The following TMEM163 variants were observed in gnomAD, a reference collection of about 807,000 sequenced individuals.
TMEM163 encodes transmembrane protein 163.
A neutral mutation model predicts 29.3 loss-of-function variants in TMEM163; 17 were observed. The ratio of observed to expected loss-of-function variants is 0.58; its 90% CI spans 0.40 to 0.87. The LOEUF (loss-of-function observed/expected upper bound fraction) is 0.87, where lower values mean the gene tolerates loss of function less well. Ranked by LOEUF, TMEM163 falls within the 40% of genes least tolerant of loss-of-function variation. The pLI is 0.00. For missense variants in TMEM163, 303 were observed against 381.5 expected (o/e 0.79, Z 1.71); for synonymous variants, 157 against 160.6 (o/e 0.98, Z 0.17).
Position 134,458,055 on chromosome 2 carries a change from G to A in TMEM163, c.786C>T (p.Leu262=). The A allele has an allele frequency of 6.2e-7, 1 of 1,614,202 alleles. No individual in the cohort carries two copies. The change falls in exon 7 of 8, where the codon CTC becomes CTT. Residue 262 remains leucine, a synonymous_variant. Coordinates refer to ENST00000281924, the MANE Select transcript of TMEM163 (RefSeq NM_030923.5). ...ACTTGACCCCATAGGCAAATATGGT[G>A]AGGCCGATCAGAACGCCTATGCTGC... is the stretch of plus-strand genomic sequence containing the variant. ...LDGSIGVLIG[L]TIFAYGVKLL... is the part of the protein sequence containing the mutation.
intron 2 of TMEM163, among the ~76,000 whole-genome samples, chr2:134,565,973 G>T (rs886313361): frequency 6.6e-6 from 1 of 152,198 alleles, no homozygotes; most frequent in Non-Finnish European, 1.5e-5. Context: ...GCATGAACAG[G>T]TCTTCTCAGG....
intron 2 of TMEM163, among the ~76,000 whole-genome samples, chr2:134,706,076 C>A (rs375728860): frequency 5.3e-5 from 8 of 152,220 alleles, no homozygotes; most frequent in Non-Finnish European, 7.3e-5. Context: ...ACCCCTCCCC[C>A]ACTCCTGGCT....
rs116689522 is a variant in TMEM163 at position 134,701,628 on chromosome 2, G to A, written c.322+11572C>T. ...AAACTCAAAGTGGCTAAGAGTTTCA[G>A]GCCAGGCGCAGTGGCTCATGCCTGT... is the stretch of plus-strand genomic sequence containing the variant. On this transcript the variant is annotated intron_variant, in intron 2 of 7. Coordinates refer to ENST00000281924, the MANE Select transcript of TMEM163 (RefSeq NM_030923.5). Among the ~76,000 whole-genome samples, 1,010 of 152,294 alleles carry A rather than the reference G, an allele frequency of 6.6e-3. 13 individuals are homozygous for A. Among genetic ancestry groups the A allele is most frequent in the African/African-American group, 0.023 (957 of 41,552 alleles).
intron 2 of TMEM163, among the ~76,000 whole-genome samples, chr2:134,639,821 C>T (rs1323350750): frequency 6.6e-6 from 1 of 152,160 alleles, no homozygotes; most frequent in Non-Finnish European, 1.5e-5. Context: ...CCCATGTCTC[C>T]CAGGAAAGGA....
intron 2 of TMEM163, among the ~76,000 whole-genome samples, chr2:134,609,965 A>C (rs1185860188): frequency 6.6e-6 from 1 of 152,132 alleles, no homozygotes; most frequent in Non-Finnish European, 1.5e-5. Context: ...CTACAGGGGA[A>C]GGGGAGGAGA....
chr2:134,666,758 G>C (rs1558984615), intron 2 of TMEM163, among the ~76,000 whole-genome samples: 1 of 152,178 alleles, frequency 6.6e-6, no homozygotes, highest in Non-Finnish European at 1.5e-5. Context: ...CTATAAAAAG[G>C]AGATCGTAAT....
intron 2 of TMEM163, among the ~76,000 whole-genome samples, chr2:134,668,270 C>A (rs59386086): frequency 0.084 from 12,746 of 152,178 alleles, 605 homozygotes; most frequent in South Asian, 0.17. Flanking sequence ...CCACAGTTCT[C>A]ATCAGCGCTC....
chr2:134,481,193 TCTTACTCTAG>T (rs1229298890), intron 5 of TMEM163, among the ~76,000 whole-genome samples: 20 of 152,090 alleles, frequency 1.3e-4, no homozygotes, highest in African/African-American at 4.8e-4. Context: ...CATCCTGGAG[TCTTACTCTAG>T]CTATTTGTTT....
At chr2:134,657,680 GT>G (rs1683650648) in intron 2 of TMEM163, among the ~76,000 whole-genome samples, 1 of 152,208 alleles carries the variant, frequency 6.6e-6, no homozygotes, top group Non-Finnish European at 1.5e-5. Context: ...GCGCATGCCT[GT>G]AATCCGAGCT....
intron 4 of TMEM163, among the ~76,000 whole-genome samples, chr2:134,547,593 C>G (rs1230388741): frequency 6.6e-6 from 1 of 152,224 alleles, no homozygotes. Flanking sequence ...AGCTTCTCAG[C>G]TGGCAGTGAT....
At chr2:134,561,565 G>C (rs1055477788) in intron 2 of TMEM163, among the ~76,000 whole-genome samples, 11 of 152,158 alleles carry the variant, frequency 7.2e-5, no homozygotes, top group African/African-American at 2.4e-4. Flanking sequence ...TAGCCAGGAT[G>C]GTCTCGATCT....
At chr2:134,622,607 C>T (rs1309293352) in intron 2 of TMEM163, among the ~76,000 whole-genome samples, 1 of 152,174 alleles carries the variant, frequency 6.6e-6, no homozygotes, top group Non-Finnish European at 1.5e-5. Flanking sequence ...ACAAATGCAG[C>T]ACAGACAGGT....
intron 5 of TMEM163, 125 bp from the exon 6 acceptor site, chr2:134,466,350 G>T: frequency 1.4e-6 from 1 of 702,956 alleles, no homozygotes; most frequent in Non-Finnish European, 2.5e-6. Flanking sequence ...CCACCAGGTG[G>T]GGGTATACTG....
intron 2 of TMEM163, among the ~76,000 whole-genome samples, chr2:134,695,602 C>T (rs902226652): frequency 6.6e-6 from 1 of 152,050 alleles, no homozygotes; most frequent in East Asian, 1.9e-4. Context: ...AGAGCTATTA[C>T]CAAGATACAG....
At chr2:134,612,858 T>C (rs1279022147) in intron 2 of TMEM163, among the ~76,000 whole-genome samples, 1 of 152,266 alleles carries the variant, frequency 6.6e-6, no homozygotes, top group South Asian at 2.1e-4. Flanking sequence ...CAAAAAAGTA[T>C]GACATGTGAA....
chr2:134,547,434 A>G (rs1680817100), intron 4 of TMEM163, among the ~76,000 whole-genome samples: 1 of 152,168 alleles, frequency 6.6e-6, no homozygotes, highest in African/African-American at 2.4e-5. Flanking sequence ...TTTTGGGTCC[A>G]GTTCAAAAAA....
intron 2 of TMEM163, among the ~76,000 whole-genome samples, chr2:134,692,935 C>G (rs1009266007): frequency 2.6e-5 from 4 of 152,186 alleles, no homozygotes; most frequent in Non-Finnish European, 5.9e-5. Flanking sequence ...TGCCCTAAAG[C>G]AAAACACTCC....
intron 2 of TMEM163, among the ~76,000 whole-genome samples, chr2:134,676,701 C>T (rs1684122898): frequency 6.6e-6 from 1 of 152,190 alleles, no homozygotes; most frequent in African/African-American, 2.4e-5. Flanking sequence ...CCTAGGCGAT[C>T]ATTAGTCTAC....
chr2:134,636,169 C>T (rs2104836309), intron 2 of TMEM163, among the ~76,000 whole-genome samples: 1 of 152,224 alleles, frequency 6.6e-6, no homozygotes, highest in East Asian at 1.9e-4. Context: ...ATTGTCAGGG[C>T]TGTGTCCACC....
Sources: gnomAD v4.1 joint callset for allele counts (sites outside exome capture counted in the v4.1 genomes callset) on GRCh38, gnomAD v4.1.1 for gene constraint, MANE v1.5 for transcripts, NCBI Gene and HGNC (gene_info 2026-07-23, HGNC 2026-07-21) for gene names.